MBNL1: variants seen among roughly 807,000 people sequenced by gnomAD.
MBNL1 encodes the protein muscleblind like splicing regulator 1, also known as muscleblind-like protein 1.
In MBNL1, 8 loss-of-function variants were observed where a neutral mutation model predicts 42.2. The ratio of observed to expected loss-of-function variants is 0.19; its 90% CI spans 0.11 to 0.34. The LOEUF is 0.34. Among genes scored for constraint, MBNL1 ranks in the 10% least tolerant of loss-of-function variants. The probability of loss-of-function intolerance (pLI) is 1.00; values close to 1 mark genes in which losing one functional copy is unlikely to be tolerated. For synonymous variants in MBNL1, 169 were observed against 173.9 expected (o/e 0.97, Z 0.22); for missense variants, 309 against 495.3 (o/e 0.62, Z 3.57).
At chr3:152,352,486 A>G (rs762551187) in intron 2 of MBNL1, among the ~76,000 whole-genome samples, 4 of 151,350 alleles carry the variant, frequency 2.6e-5, no homozygotes, top group Non-Finnish European at 5.9e-5. Flanking sequence ...CTCCTGTCCA[A>G]CCTCCCTGGA....
At chr3:152,444,252 C>G (rs753339881) in intron 4 of MBNL1, among the ~76,000 whole-genome samples, 1 of 152,084 alleles carries the variant, frequency 6.6e-6, no homozygotes, top group African/African-American at 2.4e-5. Flanking sequence ...GTCAAAGTAT[C>G]CTGAATGAAG....
At chr3:152,252,152 C>CTTCCTTCCTTCCTTCT (rs1314277075) in intron 2 of MBNL1, among the ~76,000 whole-genome samples, 2 of 143,484 alleles carry the variant, frequency 1.4e-5, no homozygotes, top group African/African-American at 2.6e-5. Flanking sequence ...TCCTTCCTTC[C>CTTCCTTCCTTCCTTCT]TTCCTTCCTT....
intron 2 of MBNL1, among the ~76,000 whole-genome samples, chr3:152,257,103 C>T (rs967096715): frequency 3.9e-5 from 6 of 152,068 alleles, no homozygotes; most frequent in Non-Finnish European, 7.4e-5. Context: ...TGATGACCAC[C>T]ATACTATCGG....
In MBNL1 at chr3:152,292,649, A is replaced by G. The variant is rs1390839988; in HGVS notation, c.-789-6756A>G. Among the ~76,000 whole-genome samples, 3 of 152,138 alleles carry G rather than the reference A, an allele frequency of 2.0e-5. No homozygotes were observed. In the East Asian group the frequency reaches 5.8e-4, roughly 29 times the overall value. Reference sequence around the variant, plus strand: ...TGAAAGTTATCTTTTTCTTTGCAGTATTGTTAAAACTTAGTCATTTACATA... The same window carrying G: ...TGAAAGTTATCTTTTTCTTTGCAGTGTTGTTAAAACTTAGTCATTTACATA... On this transcript the variant is annotated intron_variant, in intron 1 of 9. Transcript: ENST00000324210.
chr3:152,319,163 T>A (rs2074476844), intron 2 of MBNL1, among the ~76,000 whole-genome samples: 1 of 152,118 alleles, frequency 6.6e-6, no homozygotes, highest in Non-Finnish European at 1.5e-5. Flanking sequence ...ACGGAAAACC[T>A]TTTTTTGGGG....
intron 2 of MBNL1, among the ~76,000 whole-genome samples, chr3:152,354,381 T>C (rs1312919690): frequency 6.6e-6 from 1 of 152,068 alleles, no homozygotes; most frequent in Non-Finnish European, 1.5e-5. Flanking sequence ...CTTGATGCCA[T>C]GAGGTGGAGG....
chr3:152,286,385 A>ATT, intron 1 of MBNL1, among the ~76,000 whole-genome samples: 1 of 98,950 alleles, frequency 1.0e-5, no homozygotes, highest in South Asian at 2.7e-4. Context: ...TAAATATTTA[A>ATT]TTATATTTTA....
rs1748321331 is a variant in MBNL1 at position 152,463,117 on chromosome 3, T to TAATC, written c.*753_*756dup. The TAATC allele has an allele frequency of 6.6e-6, 1 of 151,696 alleles. No homozygotes were observed. Among genetic ancestry groups the TAATC allele is most frequent in the South Asian group, 2.1e-4 (1 of 4,816 alleles). 9.4% of individuals were successfully genotyped at this position (151,696 alleles called of 1,614,324 possible). A position where few individuals can be genotyped will look rare whatever the true frequency, so the allele number is the denominator to read the frequency against. On this transcript the variant is annotated 3_prime_UTR_variant, in exon 10 of 10. Coordinates refer to ENST00000324210, the MANE Select transcript of MBNL1 (RefSeq NM_021038.5). ...CATTTTGTTGCATATTTGCTAGTAC[T>TAATC]AATCAGTCAAAGGGCACCATTCTTT... is the stretch of plus-strand genomic sequence containing the variant.
Position 152,463,337 on chromosome 3 carries a change from T to C in MBNL1, c.*971T>C, listed in dbSNP as rs191044614. 6.6e-6 allele frequency: 1 copy of C among 152,456 alleles called. No individual in the cohort carries two copies. Among genetic ancestry groups the C allele is most frequent in the African/African-American group, 2.4e-5 (1 of 41,554 alleles). The allele number at this position is 152,456 out of a possible 1,614,324, so 9.4% of individuals were successfully genotyped here. On this transcript the variant is annotated 3_prime_UTR_variant, in exon 10 of 10. Coordinates refer to ENST00000324210, the MANE Select transcript of MBNL1 (RefSeq NM_021038.5). ...ATGCATACTATACTGTATAACATGT[T>C]ATTCAAAAGGGATTGCCATTTCTGA... is the stretch of plus-strand genomic sequence containing the variant.
At chr3:152,423,003 AT>A (rs2153698168) in intron 3 of MBNL1, among the ~76,000 whole-genome samples, 1 of 152,348 alleles carries the variant, frequency 6.6e-6, no homozygotes, top group East Asian at 1.9e-4. Context: ...CAGGAAAGAT[AT>A]AAAATTGACA....
chr3:152,407,105 G>GA (rs1227247418), intron 2 of MBNL1, among the ~76,000 whole-genome samples: 1 of 148,424 alleles, frequency 6.7e-6, no homozygotes, highest in African/African-American at 2.5e-5. Context: ...CAGGAAAGGG[G>GA]AAAAATCTAC....
intron 2 of MBNL1, among the ~76,000 whole-genome samples, chr3:152,364,520 A>G (rs889878166): frequency 6.6e-6 from 1 of 152,126 alleles, no homozygotes; most frequent in Non-Finnish European, 1.5e-5. Context: ...TCTGCCACTC[A>G]GGTGATATAT....
chr3:152,421,227 C>A (rs1471723974), intron 3 of MBNL1, among the ~76,000 whole-genome samples: 1 of 152,124 alleles, frequency 6.6e-6, no homozygotes, highest in Non-Finnish European at 1.5e-5. Flanking sequence ...CCCAACCTAG[C>A]AAGATAGGCT....
chr3:152,278,735 A>C (rs1360331044), intron 1 of MBNL1, among the ~76,000 whole-genome samples: 1 of 152,160 alleles, frequency 6.6e-6, no homozygotes, highest in Non-Finnish European at 1.5e-5. Context: ...CATGTTAACA[A>C]TCAGGTCATA....
At chr3:152,370,308 G>T (rs1447278511) in intron 2 of MBNL1, among the ~76,000 whole-genome samples, 1 of 152,124 alleles carries the variant, frequency 6.6e-6, no homozygotes, top group South Asian at 2.1e-4. Flanking sequence ...GTAGTTGGGC[G>T]ATTTTCAGTG....
intron 3 of MBNL1, among the ~76,000 whole-genome samples, chr3:152,431,923 A>T (rs1048724457): frequency 6.7e-6 from 1 of 149,814 alleles, no homozygotes; most frequent in Non-Finnish European, 1.5e-5. Flanking sequence ...CAATCCTTAT[A>T]TATCCACGAA....
rs538344950 is a variant in MBNL1 at position 152,445,980 on chromosome 3, T to C, written c.807+441T>C. 4.6e-5 allele frequency among the ~76,000 whole-genome samples: 7 copies of C among 152,320 alleles called. No individual in the cohort carries two copies. The South Asian group carries it at 1.2e-3, about 27-fold the overall frequency. ...CATGATCTGGAACTATTTAGGAGAA[T>C]TGTTCAACAAAATTGTTCTTAGAAT... On this transcript the variant is annotated intron_variant, in intron 5 of 9. Transcript: ENST00000324210.
intron 1 of MBNL1, among the ~76,000 whole-genome samples, chr3:152,283,990 A>G (rs1183303868): frequency 3.3e-5 from 5 of 152,052 alleles, no homozygotes; most frequent in Admixed American, 1.3e-4. Flanking sequence ...TTTTTTATAT[A>G]TAGTTATTTG....
chr3:152,390,546 ATAAG>A (rs1021465925), intron 2 of MBNL1, among the ~76,000 whole-genome samples: 2 of 151,894 alleles, frequency 1.3e-5, no homozygotes, highest in Non-Finnish European at 2.9e-5. Flanking sequence ...AGTATAGTAA[ATAAG>A]TAAACCAGTA....
Sources: allele counts gnomAD v4.1 joint callset (sites outside exome capture counted in the v4.1 genomes callset), GRCh38; gene constraint gnomAD v4.1.1; transcripts MANE v1.5; gene names NCBI Gene and HGNC (gene_info 2026-07-23, HGNC 2026-07-21).